The following RNLS variants were observed in gnomAD, a reference collection of about 807,000 sequenced individuals.
The protein encoded by RNLS is renalase.
Under a neutral mutation model 39.8 loss-of-function variants are expected in RNLS, and 39 were observed. That is an observed-to-expected ratio of 0.98 (90% confidence interval 0.76 to 1.28). The LOEUF (loss-of-function observed/expected upper bound fraction) is 1.28, where lower values mean the gene tolerates loss of function less well. RNLS is among the 50% of genes most tolerant of loss of function. The pLI, the probability that RNLS is intolerant of heterozygous loss-of-function variation, is 0.00. For synonymous variants in RNLS, 147 were observed against 150.7 expected (o/e 0.98, Z 0.18); for missense variants, 410 against 413.3 (o/e 0.99, Z 0.07).
At chr10:88,248,031 C>T in the RNLS span, among the ~76,000 whole-genome samples, 1 of 152,200 alleles carries the variant, frequency 6.6e-6, no homozygotes, top group African/African-American at 2.4e-5. Context: ...GGATTTCTGA[C>T]CTCTGCAACT....
At chr10:88,174,675 G>A in the RNLS span, among the ~76,000 whole-genome samples, 1,670 of 152,216 alleles carry the variant, frequency 0.011, 32 homozygotes, top group African/African-American at 0.038. Flanking sequence ...TTTTGTTGAC[G>A]ATTTTTTGCA....
intron 4 of RNLS, among the ~76,000 whole-genome samples, chr10:88,502,105 G>A (rs1054522164): frequency 1.3e-5 from 2 of 152,086 alleles, no homozygotes; most frequent in South Asian, 4.1e-4. Context: ...TATCAAATTA[G>A]GGTCCATCTA....
At chr10:88,517,055 G>A (rs1303675137) in intron 4 of RNLS, among the ~76,000 whole-genome samples, 1 of 151,952 alleles carries the variant, frequency 6.6e-6, no homozygotes, top group African/African-American at 2.4e-5. Context: ...TGATCTGGAG[G>A]TGACATGGTT....
chr10:88,362,820 C>T, intron 4 of RNLS, 95 bp from the exon 5 acceptor site: 1 of 1,027,962 alleles, frequency 9.7e-7, no homozygotes, highest in South Asian at 1.8e-5. Context: ...GTTACAACAG[C>T]TTCCACCAAC....
the RNLS span, among the ~76,000 whole-genome samples, chr10:88,230,605 A>G: frequency 1.3e-5 from 2 of 152,232 alleles, no homozygotes; most frequent in Non-Finnish European, 2.9e-5. Context: ...TCTACTGCCT[A>G]TAAAACTAAG....
the RNLS span, among the ~76,000 whole-genome samples, chr10:88,214,863 T>C: frequency 1.8e-4 from 27 of 152,306 alleles, no homozygotes; most frequent in Non-Finnish European, 3.1e-4. Flanking sequence ...ATCTTAAATG[T>C]GACATTTTGC....
At chr10:88,434,229 TG>T (rs563884232) in intron 4 of RNLS, among the ~76,000 whole-genome samples, 61 of 152,300 alleles carry the variant, frequency 4.0e-4, no homozygotes, top group African/African-American at 1.4e-3. Context: ...CACTAGTCGA[TG>T]TAGTCATATC....
intron 4 of RNLS, among the ~76,000 whole-genome samples, chr10:88,434,847 C>A (rs1855367972): frequency 6.6e-6 from 1 of 152,026 alleles, no homozygotes; most frequent in African/African-American, 2.4e-5. Context: ...ATCAAGGAAT[C>A]TCTGCCTCTT....
chr10:88,560,064 T>C (rs1295677422), intron 4 of RNLS, among the ~76,000 whole-genome samples: 1 of 152,166 alleles, frequency 6.6e-6, no homozygotes, highest in African/African-American at 2.4e-5. Flanking sequence ...CAAATATTTA[T>C]CTTTTCTTTG....
chr10:88,196,797 A>C, the RNLS span, among the ~76,000 whole-genome samples: 2 of 152,218 alleles, frequency 1.3e-5, no homozygotes, highest in Non-Finnish European at 2.9e-5. Flanking sequence ...AATCCACTGA[A>C]GTATTACTTG....
intron 4 of RNLS, among the ~76,000 whole-genome samples, chr10:88,420,964 G>T (rs1438377273): frequency 6.6e-6 from 1 of 152,208 alleles, no homozygotes; most frequent in Non-Finnish European, 1.5e-5. Context: ...CCCTTCTTGG[G>T]AAGTCTCAGG....
the RNLS span, among the ~76,000 whole-genome samples, chr10:88,238,983 T>A: frequency 6.6e-6 from 1 of 152,122 alleles, no homozygotes; most frequent in East Asian, 1.9e-4. Flanking sequence ...ATCAAACATG[T>A]AAGGAAATCC....
rs1852898101 is a variant in RNLS at position 88,401,250 on chromosome 10, A to T, written c.527-38525T>A. 2.6e-5 allele frequency among the ~76,000 whole-genome samples: 4 copies of T among 152,224 alleles called. No individual in the cohort carries two copies. In the South Asian group the frequency reaches 8.3e-4, roughly 31 times the overall value. ...AATCAACATGCTTTCCATAAACCAG[A>T]AGTTATAAATTCTTTCTAAATACAG... On this transcript the variant is annotated intron_variant, in intron 4 of 6. Coordinates refer to ENST00000331772, the MANE Select transcript of RNLS (RefSeq NM_001031709.3).
At chr10:88,191,903 C>T in the RNLS span, among the ~76,000 whole-genome samples, 29 of 152,032 alleles carry the variant, frequency 1.9e-4, no homozygotes, top group African/African-American at 6.7e-4. Flanking sequence ...CATGCCATCC[C>T]TTGATTTGTA....
chr10:88,505,146 T>TCTGCCC (rs1344541040), intron 4 of RNLS, among the ~76,000 whole-genome samples: 14 of 151,950 alleles, frequency 9.2e-5, no homozygotes, highest in Non-Finnish European at 2.1e-4. Flanking sequence ...AAAGAAATGG[T>TCTGCCC]TGATTCCAGA....
chr10:88,384,648 C>G (rs1393343790), intron 4 of RNLS, among the ~76,000 whole-genome samples: 1 of 152,104 alleles, frequency 6.6e-6, no homozygotes, highest in Non-Finnish European at 1.5e-5. Flanking sequence ...AACTATAGCT[C>G]TAGTGTGGAG....
At chr10:88,228,677 G>C in the RNLS span, among the ~76,000 whole-genome samples, 1 of 152,146 alleles carries the variant, frequency 6.6e-6, no homozygotes, top group Non-Finnish European at 1.5e-5. Flanking sequence ...AACTACCTTT[G>C]TTTTTGCCTT....
the RNLS span, among the ~76,000 whole-genome samples, chr10:88,172,842 G>GTTTGTTTTTTTTTTTTT: frequency 4.6e-5 from 2 of 43,776 alleles, no homozygotes; most frequent in Non-Finnish European, 3.7e-5. Context: ...ATTTTGAGTT[G>GTTTGTTTTTTTTTTTTT]TTTTTTTTTT....
In RNLS at chr10:88,430,425, G is replaced by A. The variant is rs534390468; in HGVS notation, c.527-67700C>T. On this transcript the variant is annotated intron_variant, in intron 4 of 6. Transcript: ENST00000331772. ...CTGAATTTTCTATATAGACACTTGT[G>A]TCATCTGTAAATAGAGACAGCTTTA... Among the ~76,000 whole-genome samples the A allele has an allele frequency of 4.0e-5, 6 of 151,876 alleles. No individual in the cohort carries two copies. The South Asian group carries it at 1.2e-3, about 31-fold the overall frequency.
Sources: gnomAD v4.1 joint callset for allele counts (sites outside exome capture counted in the v4.1 genomes callset) on GRCh38, gnomAD v4.1.1 for gene constraint, MANE v1.5 for transcripts, NCBI Gene and HGNC (gene_info 2026-07-23, HGNC 2026-07-21) for gene names.